The following ESRRG variants were observed in gnomAD, a reference collection of about 807,000 sequenced individuals.
The protein encoded by ESRRG is estrogen related receptor gamma.
In ESRRG, 13 loss-of-function variants were observed where a neutral mutation model predicts 44.0. That is an observed-to-expected ratio of 0.30 (90% CI 0.19 to 0.47). The LOEUF (loss-of-function observed/expected upper bound fraction) is 0.47. Among genes scored for constraint, ESRRG ranks in the 20% least tolerant of loss-of-function variants. ESRRG has a pLI of 1.00. For missense variants in ESRRG, 395 were observed against 580.6 expected, an observed-to-expected ratio of 0.68 and a Z score of 3.29; for synonymous variants, 215 against 214.6, an observed-to-expected ratio of 1.00 and a Z score of -0.02.
In ESRRG at chr1:217,086,929, TTA is replaced by T. The variant is rs201452888; in HGVS notation, c.-106+2576_-106+2577del. 1.4e-4 allele frequency among the ~76,000 whole-genome samples: 21 copies of T among 147,622 alleles called. No individual in the cohort carries two copies. The East Asian group carries it at 2.2e-3, about 16-fold the overall frequency. ...GTCAAACACACAAGACATTTTTTTT[TTA>T]AAAGACTAAAGCTACTTGTATTGAC... On this transcript the variant is annotated intron_variant, in intron 1 of 7. Transcript: ENST00000359162.
chr1:216,944,779 C>T (rs1001917262), intron 1 of ESRRG, among the ~76,000 whole-genome samples: 2 of 152,126 alleles, frequency 1.3e-5, no homozygotes, highest in Non-Finnish European at 2.9e-5. Context: ...TAGACAATTG[C>T]TAATGACACC....
At chr1:216,521,203 CCT>C (rs2045981488) in intron 5 of ESRRG, among the ~76,000 whole-genome samples, 1 of 151,958 alleles carries the variant, frequency 6.6e-6, no homozygotes, top group Non-Finnish European at 1.5e-5. Context: ...TAATAAATAT[CCT>C]CTTAGAGATA....
At chr1:217,074,445 C>CT (rs1248821234) in intron 1 of ESRRG, among the ~76,000 whole-genome samples, 3 of 53,466 alleles carry the variant, frequency 5.6e-5, no homozygotes, top group Non-Finnish European at 1.4e-4. Flanking sequence ...CAGAAATCCA[C>CT]CCCCCCCAAA....
chr1:216,804,415 G>C (rs1178196144), intron 2 of ESRRG, among the ~76,000 whole-genome samples: 1 of 152,112 alleles, frequency 6.6e-6, no homozygotes, highest in Non-Finnish European at 1.5e-5. Flanking sequence ...CTTGTGCTCA[G>C]GCAAGTGGAA....
At chr1:216,850,273 T>G (rs1055447849) in intron 2 of ESRRG, among the ~76,000 whole-genome samples, 2 of 152,256 alleles carry the variant, frequency 1.3e-5, no homozygotes, top group South Asian at 2.1e-4. Context: ...GCTGAATTTT[T>G]GCTTTCTACC....
chr1:216,528,796 A>G (rs2048428448), intron 5 of ESRRG, among the ~76,000 whole-genome samples: 1 of 152,084 alleles, frequency 6.6e-6, no homozygotes, highest in Non-Finnish European at 1.5e-5. Flanking sequence ...AAAAACAGCA[A>G]GGAGGAGACA....
chr1:216,938,251 A>G (rs1471259575), intron 2 of ESRRG, among the ~76,000 whole-genome samples: 3 of 152,212 alleles, frequency 2.0e-5, no homozygotes, highest in African/African-American at 7.2e-5. Flanking sequence ...CCTTCCTGCA[A>G]TGGCATAGTA....
chr1:216,635,461 A>AAT (rs1219270007), intron 3 of ESRRG, among the ~76,000 whole-genome samples: 4 of 152,306 alleles, frequency 2.6e-5, no homozygotes, highest in African/African-American at 9.6e-5. Context: ...CTTCACCTAT[A>AAT]ATATACCTTT....
chr1:216,838,197 G>A (rs890039846), intron 2 of ESRRG, among the ~76,000 whole-genome samples: 9 of 152,098 alleles, frequency 5.9e-5, no homozygotes, highest in Non-Finnish European at 1.3e-4. Flanking sequence ...AATTGCGAGG[G>A]AACAGAGAGA....
At chr1:216,636,260 T>C (rs1173181996) in intron 3 of ESRRG, among the ~76,000 whole-genome samples, 1 of 152,238 alleles carries the variant, frequency 6.6e-6, no homozygotes, top group Non-Finnish European at 1.5e-5. Flanking sequence ...ATTTAACCTG[T>C]AACTTTGTAA....
At chr1:216,759,442 A>T (rs367835892) in intron 2 of ESRRG, among the ~76,000 whole-genome samples, 2 of 152,044 alleles carry the variant, frequency 1.3e-5, no homozygotes, top group South Asian at 2.1e-4. Context: ...CACCCACCAC[A>T]TGGTTTTCCC....
intron 3 of ESRRG, among the ~76,000 whole-genome samples, chr1:216,634,402 A>T (rs1033895002): frequency 3.4e-5 from 5 of 149,222 alleles, no homozygotes; most frequent in East Asian, 2.0e-4. Flanking sequence ...GTGGGCTTTT[A>T]TTTTTTTTTT....
At chr1:216,721,622 A>G (rs2086296978) in intron 1 of ESRRG, among the ~76,000 whole-genome samples, 1 of 152,238 alleles carries the variant, frequency 6.6e-6, no homozygotes, top group African/African-American at 2.4e-5. Flanking sequence ...ATTAGCTATA[A>G]GAAGTTAAAT....
At chr1:216,804,067 C>T (rs562958204) in intron 2 of ESRRG, among the ~76,000 whole-genome samples, 2 of 152,134 alleles carry the variant, frequency 1.3e-5, no homozygotes, top group South Asian at 4.2e-4. Flanking sequence ...AATGGTATAC[C>T]CTCTCACACC....
chr1:216,525,240 C>A (rs1294029573), intron 5 of ESRRG, among the ~76,000 whole-genome samples: 1 of 151,974 alleles, frequency 6.6e-6, no homozygotes, highest in Non-Finnish European at 1.5e-5. Context: ...TAACAACTGC[C>A]AGCCTACTTT....
chr1:216,809,639 G>A (rs2094907955), intron 2 of ESRRG, among the ~76,000 whole-genome samples: 1 of 152,152 alleles, frequency 6.6e-6, no homozygotes, highest in Non-Finnish European at 1.5e-5. Flanking sequence ...GTTTTCTTCA[G>A]TTTTAAGCAA....
chr1:216,727,316 A>T (rs2087738168), upstream of ESRRG, among the ~76,000 whole-genome samples: 1 of 152,150 alleles, frequency 6.6e-6, no homozygotes, highest in African/African-American at 2.4e-5. Flanking sequence ...ATAATATACC[A>T]TCCTGCAAAA....
At chr1:216,964,832 T>G (rs1474340705) in intron 1 of ESRRG, among the ~76,000 whole-genome samples, 2 of 152,126 alleles carry the variant, frequency 1.3e-5, no homozygotes, top group South Asian at 2.1e-4. Context: ...TTTTACATAT[T>G]TGATATAGAG....
chr1:216,935,092 C>G (rs1176252101), intron 2 of ESRRG, among the ~76,000 whole-genome samples: 1 of 152,156 alleles, frequency 6.6e-6, no homozygotes. Flanking sequence ...TTTTCCTACT[C>G]TCACATTCAA....
Sources: gnomAD v4.1 joint callset for allele counts (sites outside exome capture counted in the v4.1 genomes callset) on GRCh38, gnomAD v4.1.1 for gene constraint, MANE v1.5 for transcripts, NCBI Gene and HGNC (gene_info 2026-07-23, HGNC 2026-07-21) for gene names.